Variants in CDH13 observed in about 807,000 individuals in gnomAD.
CDH13 encodes the protein cadherin 13.
In CDH13, 24 loss-of-function variants were observed where a neutral mutation model predicts 63.8. The ratio of observed to expected loss-of-function variants is 0.38; its 90% CI spans 0.27 to 0.53. The LOEUF (loss-of-function observed/expected upper bound fraction) is 0.53, where lower values mean the gene tolerates loss of function less well. Among genes scored for constraint, CDH13 ranks in the 20% least tolerant of loss-of-function variants. The pLI, the probability that CDH13 is intolerant of heterozygous loss-of-function variation, is 0.85. For missense variants in CDH13, 1,049 were observed against 903.1 expected (o/e 1.16, Z -2.07); for synonymous variants, 503 against 355.3 (o/e 1.42, Z -4.67).
intron 1 of CDH13, among the ~76,000 whole-genome samples, chr16:82,697,267 G>C (rs866772100): frequency 1.7e-4 from 26 of 152,130 alleles, no homozygotes; most frequent in Non-Finnish European, 2.1e-4. Context: ...CAGTTTTAAG[G>C]TGGTTTGGGT....
At chr16:82,842,774 G>A (rs2039087552) in intron 1 of CDH13, among the ~76,000 whole-genome samples, 2 of 143,716 alleles carry the variant, frequency 1.4e-5, no homozygotes, top group African/African-American at 5.2e-5. Context: ...ATCAGTGGGA[G>A]CCCTGAACTT....
At chr16:83,179,482 A>AAAAAAAAG in intron 4 of CDH13, among the ~76,000 whole-genome samples, 1 of 86,512 alleles carries the variant, frequency 1.2e-5, no homozygotes, top group East Asian at 2.7e-4. Context: ...CGTCTCTACT[A>AAAAAAAAG]AAAAAAAAAA....
chr16:83,482,400 A>G (rs1436280877), intron 6 of CDH13, among the ~76,000 whole-genome samples: 2 of 152,214 alleles, frequency 1.3e-5, no homozygotes, highest in African/African-American at 4.8e-5. Flanking sequence ...CTGCAGAGAG[A>G]CACCCTCTCT....
At chr16:83,046,163 T>G (rs1269670562) in intron 3 of CDH13, among the ~76,000 whole-genome samples, 1 of 152,184 alleles carries the variant, frequency 6.6e-6, no homozygotes, top group Non-Finnish European at 1.5e-5. Flanking sequence ...TAGAAACCTC[T>G]TTTCCTCTGG....
At chr16:83,034,786 G>A (rs533276698) in intron 3 of CDH13, among the ~76,000 whole-genome samples, 1 of 152,244 alleles carries the variant, frequency 6.6e-6, no homozygotes, top group South Asian at 2.1e-4. Context: ...GGGAGAGCTG[G>A]GTTCATTATG....
At chr16:83,232,548 AC>A (rs779029449) in intron 5 of CDH13, among the ~76,000 whole-genome samples, 14,709 of 122,752 alleles carry the variant, frequency 0.12, 918 homozygotes, top group Non-Finnish European at 0.16. Context: ...ACAACAACAA[AC>A]AAACAAAAAA....
rs75925865 is a variant in CDH13, at chr16:83,417,428, T to G, written c.782-69049T>G. ...TTCTCTTCTTGCTGCCCTGACTAGTTGAACTGTCCTCTTTATCTTAACCTG... is the reference window on the plus strand; with the variant it reads ...TTCTCTTCTTGCTGCCCTGACTAGTGGAACTGTCCTCTTTATCTTAACCTG... On this transcript the variant is annotated intron_variant, in intron 6 of 13. Transcript: ENST00000567109. 2.4e-4 allele frequency among the ~76,000 whole-genome samples: 37 copies of G among 152,280 alleles called. No homozygotes were observed. The East Asian group carries it at 7.1e-3, about 29-fold the overall frequency.
chr16:83,051,635 C>G (rs1269853515), intron 3 of CDH13, among the ~76,000 whole-genome samples: 1 of 152,190 alleles, frequency 6.6e-6, no homozygotes, highest in South Asian at 2.1e-4. Context: ...TTAAGACACT[C>G]CGGATTCTTC....
intron 2 of CDH13, among the ~76,000 whole-genome samples, chr16:82,931,514 T>C (rs568506911): frequency 3.4e-3 from 161 of 46,674 alleles, no homozygotes; most frequent in South Asian, 0.018. Flanking sequence ...GGTCCCCCCC[T>C]TTTTTTTTTT....
At chr16:83,443,637 G>A (rs539281221) in intron 6 of CDH13, among the ~76,000 whole-genome samples, 59 of 149,562 alleles carry the variant, frequency 3.9e-4, no homozygotes, top group African/African-American at 1.4e-3. Context: ...TAGGCAGGCT[G>A]AGGCAGGAGG....
intron 2 of CDH13, among the ~76,000 whole-genome samples, chr16:83,006,272 A>G (rs117448991): frequency 6.8e-4 from 103 of 152,346 alleles, no homozygotes; most frequent in Non-Finnish European, 1.2e-3. Context: ...GTATGCTTTT[A>G]GACCCCAGTG....
chr16:82,708,324 A>G (rs1484927589), intron 1 of CDH13, among the ~76,000 whole-genome samples: 2 of 152,164 alleles, frequency 1.3e-5, no homozygotes, highest in Non-Finnish European at 1.5e-5. Context: ...TAGTGGACCC[A>G]CAGGGAGTTA....
intron 5 of CDH13, among the ~76,000 whole-genome samples, chr16:83,310,821 C>T (rs560777153): frequency 6.6e-6 from 1 of 152,322 alleles, no homozygotes; most frequent in South Asian, 2.1e-4. Context: ...AGGTGACTTG[C>T]TTCTGCCTGC....
In CDH13 at chr16:83,052,632, T is replaced by C. The variant is rs60197493; in HGVS notation, c.366+20414T>C. Among the ~76,000 whole-genome samples the C allele has an allele frequency of 4.5e-3, 677 of 151,836 alleles. 4 individuals carry two copies. Among genetic ancestry groups the C allele is most frequent in the African/African-American group, 0.015 (631 of 41,436 alleles). On this transcript the variant is annotated intron_variant, in intron 3 of 13. Coordinates refer to ENST00000567109, the MANE Select transcript of CDH13 (RefSeq NM_001257.5). ...CTGTCTCTACTAAAAATACAAAAAT[T>C]AGCCAGGCATGGTGGTGCGCGCCTT...
intron 1 of CDH13, among the ~76,000 whole-genome samples, chr16:82,796,258 C>T (rs2036577875): frequency 6.6e-6 from 1 of 152,176 alleles, no homozygotes; most frequent in Admixed American, 6.5e-5. Context: ...CTACTGACCC[C>T]TATGGATGTA....
chr16:83,259,458 G>C (rs1191451640), intron 5 of CDH13, among the ~76,000 whole-genome samples: 1 of 152,076 alleles, frequency 6.6e-6, no homozygotes, highest in Non-Finnish European at 1.5e-5. Flanking sequence ...CAGCATCCTT[G>C]TTTGGGTGGC....
chr16:82,866,501 G>A (rs1363489877), intron 2 of CDH13, among the ~76,000 whole-genome samples: 2 of 141,642 alleles, frequency 1.4e-5, no homozygotes, highest in Non-Finnish European at 3.0e-5. Context: ...CGATTCTCCT[G>A]CCTCAGCTTC....
rs958602722 is a variant in CDH13 at position 82,706,803 on chromosome 16, CA to C, written c.45+79676del. 1.0e-4 allele frequency among the ~76,000 whole-genome samples: 15 copies of C among 144,074 alleles called. 1 individual carries two copies. The highest frequency in any genetic ancestry group is 6.0e-4 in the East Asian group (3 of 4,972). The allele number at this position is 144,074 out of a possible 152,430, so 94.5% of individuals were successfully genotyped here. ...TGGGTGACAGAGCGAGACTCTGTCTCAAAAAAAAAATAAAATAAAAAAGAAG... is the reference window on the plus strand; with the variant it reads ...TGGGTGACAGAGCGAGACTCTGTCTCAAAAAAAAATAAAATAAAAAAGAAG... On this transcript the variant is annotated intron_variant, in intron 1 of 13. Transcript: ENST00000567109.
intron 3 of CDH13, among the ~76,000 whole-genome samples, chr16:83,052,989 G>A (rs754338137): frequency 6.6e-6 from 1 of 151,854 alleles, no homozygotes; most frequent in Non-Finnish European, 1.5e-5. Context: ...AATGCAGTGA[G>A]ACCATAAGCC....
Sources: gnomAD v4.1 joint callset for allele counts (sites outside exome capture counted in the v4.1 genomes callset) on GRCh38, gnomAD v4.1.1 for gene constraint, MANE v1.5 for transcripts, NCBI Gene and HGNC (gene_info 2026-07-23, HGNC 2026-07-21) for gene names.